The following AR variants were observed in gnomAD, a reference collection of about 807,000 sequenced individuals.
The protein encoded by AR is androgen receptor.
In AR, 8 loss-of-function variants were observed where a neutral mutation model predicts 53.9. That is an observed-to-expected ratio of 0.15 (90% CI 0.09 to 0.27). The LOEUF (loss-of-function observed/expected upper bound fraction) is 0.27. Ranked by LOEUF, AR falls within the 10% of genes least tolerant of loss-of-function variation. The probability of loss-of-function intolerance (pLI) is 1.00; values close to 1 mark genes in which losing one functional copy is unlikely to be tolerated. For synonymous variants in AR, 359 were observed against 316.4 expected, an observed-to-expected ratio of 1.13 and a Z score of -1.43; for missense variants, 639 against 742.5, an observed-to-expected ratio of 0.86 and a Z score of 1.62.
At position 67,544,213 on chromosome X, in the gene AR, G is replaced by C; in HGVS notation, c.-934G>C. 1.2e-5 allele frequency: 2 copies of C among 172,307 alleles called. No individual in the cohort carries two copies. Among genetic ancestry groups the C allele is most frequent in the South Asian group, 3.0e-4 (1 of 3,293 alleles). 14.2% of individuals were successfully genotyped at this position (172,307 alleles called of 1,213,427 possible). Reference sequence around the variant, plus strand: ...CGACAGCCAACGCCTCTTGCAGCGCGGCGGCTTCGAAGCCGCCGCCCGGAG... The same window carrying C: ...CGACAGCCAACGCCTCTTGCAGCGCCGCGGCTTCGAAGCCGCCGCCCGGAG... On this transcript the variant is annotated 5_prime_UTR_variant, in exon 1 of 8. Transcript: ENST00000374690.
chrX:67,585,002 TC>T (rs1922471065), intron 1 of AR, among the ~76,000 whole-genome samples: 1 of 111,656 alleles, frequency 9.0e-6, no homozygotes, highest in Non-Finnish European at 1.9e-5. Flanking sequence ...ACGACTGTAA[TC>T]CCAGCACTTT....
intron 1 of AR, among the ~76,000 whole-genome samples, chrX:67,573,425 T>C (rs372086084): frequency 9.0e-6 from 1 of 111,575 alleles, no homozygotes; most frequent in East Asian, 2.8e-4. Context: ...TTATTCTGAA[T>C]GGCCCGTTAA....
At chrX:67,715,338 C>T (rs962997935) in intron 4 of AR, among the ~76,000 whole-genome samples, 1 of 111,195 alleles carries the variant, frequency 9.0e-6, no homozygotes, top group African/African-American at 3.3e-5. Flanking sequence ...ATCTGAGGCT[C>T]CAGCCGGTCT....
At chrX:67,684,768 A>G (rs1314361880) in intron 2 of AR, among the ~76,000 whole-genome samples, 1 of 112,030 alleles carries the variant, frequency 8.9e-6, no homozygotes, top group Non-Finnish European at 1.9e-5. Flanking sequence ...ACTACATAAA[A>G]TAGCCTACTA....
At chrX:67,696,591 C>G (rs1430438737) in intron 3 of AR, among the ~76,000 whole-genome samples, 1 of 111,970 alleles carries the variant, frequency 8.9e-6, no homozygotes, top group Non-Finnish European at 1.9e-5. Flanking sequence ...TATTCTTTTG[C>G]CTGGCCATTT....
At chrX:67,694,757 T>G in intron 3 of AR, 1 of 1,152,073 alleles carries the variant, frequency 8.7e-7, no homozygotes. Flanking sequence ...AAATGAGGGC[T>G]CTAGAGGGCT....
At chrX:67,600,734 C>T (rs954672100) in intron 1 of AR, among the ~76,000 whole-genome samples, 2 of 110,915 alleles carry the variant, frequency 1.8e-5, no homozygotes, top group Non-Finnish European at 3.8e-5. Flanking sequence ...AGAATAAATG[C>T]TTGAGGGATG....
At chrX:67,720,598 TC>T (rs1179863278) in intron 5 of AR, among the ~76,000 whole-genome samples, 2 of 111,337 alleles carry the variant, frequency 1.8e-5, no homozygotes, top group African/African-American at 6.5e-5. Flanking sequence ...TCTAAACACT[TC>T]CTCTTTCTAG....
chrX:67,654,146 T>A (rs1393942640), intron 2 of AR, among the ~76,000 whole-genome samples: 2 of 111,140 alleles, frequency 1.8e-5, no homozygotes, highest in Admixed American at 1.9e-4. Context: ...ATCACTTTTG[T>A]ATGCCTCTAT....
chrX:67,691,470 C>T (rs1439392107), intron 3 of AR, among the ~76,000 whole-genome samples: 1 of 112,169 alleles, frequency 8.9e-6, no homozygotes, highest in Admixed American at 9.5e-5. Flanking sequence ...TAGCATATCA[C>T]AGGTCCTGGT....
chrX:67,676,560 T>A (rs1050677443), intron 2 of AR, among the ~76,000 whole-genome samples: 2 of 111,804 alleles, frequency 1.8e-5, no homozygotes, highest in Non-Finnish European at 3.8e-5. Flanking sequence ...TAACAGCTTA[T>A]CTTTGTGTTT....
intron 1 of AR, among the ~76,000 whole-genome samples, chrX:67,596,803 C>T (rs1481112534): frequency 8.9e-6 from 1 of 112,281 alleles, no homozygotes; most frequent in East Asian, 2.8e-4. Flanking sequence ...GATGTTTTCT[C>T]AGGCAGTTAA....
intron 1 of AR, among the ~76,000 whole-genome samples, chrX:67,591,052 G>A (rs1263479118): frequency 1.8e-5 from 2 of 111,580 alleles, no homozygotes; most frequent in Non-Finnish European, 3.8e-5. Flanking sequence ...TTTCTTCCAG[G>A]CATCATATTA....
chrX:67,662,009 T>C (rs1926949486), intron 2 of AR, among the ~76,000 whole-genome samples: 1 of 111,986 alleles, frequency 8.9e-6, no homozygotes, highest in African/African-American at 3.2e-5. Flanking sequence ...CTGATGGTAG[T>C]TTGTACTTCT....
chrX:67,676,539 G>A (rs961114821), intron 2 of AR, among the ~76,000 whole-genome samples: 3 of 112,019 alleles, frequency 2.7e-5, no homozygotes, highest in African/African-American at 9.7e-5. Flanking sequence ...ACCATGGGGT[G>A]TGCCTTCCCA....
chrX:67,672,455 G>A (rs1370526698), intron 2 of AR, among the ~76,000 whole-genome samples: 1 of 108,942 alleles, frequency 9.2e-6, no homozygotes, highest in Non-Finnish European at 1.9e-5. Flanking sequence ...AGTGAAAGTG[G>A]TTTTCTCTGG....
chrX:67,670,443 G>A (rs983345402), intron 2 of AR, among the ~76,000 whole-genome samples: 3 of 103,411 alleles, frequency 2.9e-5, no homozygotes, highest in Non-Finnish European at 5.9e-5. Context: ...AAAGAAACAC[G>A]CTGCCTGAAA....
intron 1 of AR, among the ~76,000 whole-genome samples, chrX:67,582,106 C>T (rs1254936356): frequency 8.9e-6 from 1 of 112,055 alleles, no homozygotes; most frequent in Non-Finnish European, 1.9e-5. Context: ...TTCCTGACAG[C>T]TTTTTAGTAT....
At chrX:67,622,009 C>T (rs1391008911) in intron 1 of AR, among the ~76,000 whole-genome samples, 1 of 111,669 alleles carries the variant, frequency 9.0e-6, no homozygotes, top group Non-Finnish European at 1.9e-5. Context: ...TGGAGATACA[C>T]TATGTACCTG....
Sources: allele counts gnomAD v4.1 joint callset (sites outside exome capture counted in the v4.1 genomes callset), GRCh38; gene constraint gnomAD v4.1.1; transcripts MANE v1.5; gene names NCBI Gene and HGNC (gene_info 2026-07-23, HGNC 2026-07-21).